The following RFX3 variants were observed in gnomAD, a reference collection of about 807,000 sequenced individuals.
The protein encoded by RFX3 is regulatory factor X3.
A neutral mutation model predicts 98.6 loss-of-function variants in RFX3; 14 were observed. The observed-to-expected ratio is 0.14, with a 90% confidence interval of 0.09 to 0.22. The LOEUF (loss-of-function observed/expected upper bound fraction) is 0.22, where lower values mean the gene tolerates loss of function less well. Among genes scored for constraint, RFX3 ranks in the 10% least tolerant of loss-of-function variants. The pLI is 1.00. For synonymous variants in RFX3, 383 were observed against 328.4 expected (o/e 1.17, Z -1.80); for missense variants, 639 against 926.9 (o/e 0.69, Z 4.03).
Position 3,447,964 on chromosome 9 carries a change from T to C in RFX3, c.-8-52368A>G, listed in dbSNP as rs186312911. On this transcript the variant is annotated intron_variant, in intron 1 of 16. Transcript: ENST00000617270. ...TCTCACAGACAACTTAACAGAGCTC[T>C]CAACTATGAGCCAATGGGAAGACAA... 2.4e-3 allele frequency among the ~76,000 whole-genome samples: 363 copies of C among 152,208 alleles called. 5 individuals are homozygous for C. Among genetic ancestry groups the C allele is most frequent in the Admixed American group, 0.018 (280 of 15,282 alleles).
chr9:3,243,686 A>G (rs1381402973), intron 15 of RFX3, among the ~76,000 whole-genome samples: 1 of 152,236 alleles, frequency 6.6e-6, no homozygotes, highest in African/African-American at 2.4e-5. Context: ...ATTGTTCTTA[A>G]GTCACCTTAA....
At chr9:3,226,985 C>A (rs1477284972) in intron 16 of RFX3, among the ~76,000 whole-genome samples, 1 of 151,992 alleles carries the variant, frequency 6.6e-6, no homozygotes, top group East Asian at 1.9e-4. Flanking sequence ...CCCTCAAAAC[C>A]TCCTAGGATT....
chr9:3,426,518 A>G (rs574284801), intron 1 of RFX3, among the ~76,000 whole-genome samples: 1 of 152,184 alleles, frequency 6.6e-6, no homozygotes, highest in South Asian at 2.1e-4. Context: ...GAGGTGAGCA[A>G]GAGGTGAGCA....
chr9:3,329,716 C>G (rs1832367032), intron 4 of RFX3, among the ~76,000 whole-genome samples: 1 of 152,026 alleles, frequency 6.6e-6, no homozygotes, highest in Admixed American at 6.6e-5. Context: ...AAAAGTGAGT[C>G]AACTTGGAAA....
chr9:3,282,204 G>A (rs190887363), intron 7 of RFX3, among the ~76,000 whole-genome samples: 21 of 151,818 alleles, frequency 1.4e-4, no homozygotes, highest in Admixed American at 1.1e-3. Context: ...TGATATAAAC[G>A]CTAATGGATC....
rs568027848 is a variant in RFX3 at position 3,370,765 on chromosome 9, C to G, written c.118-24001G>C. On this transcript the variant is annotated intron_variant, in intron 2 of 16. Coordinates refer to ENST00000617270, the MANE Select transcript of RFX3 (RefSeq NM_001282116.2). ...TCTCCTTTCTCCACTATATAAAATA[C>G]ATGCTTATACAACTGCAAATTGAGA... 6.6e-5 allele frequency among the ~76,000 whole-genome samples: 10 copies of G among 152,200 alleles called. No homozygotes were observed. In the South Asian group the frequency reaches 1.0e-3, roughly 16 times the overall value.
chr9:3,410,209 G>GTGTGTGTGTGTGTGTGTGTGTGTGT (rs55715321), intron 1 of RFX3, among the ~76,000 whole-genome samples: 10 of 148,520 alleles, frequency 6.7e-5, no homozygotes, highest in East Asian at 2.0e-4. Context: ...GTGTGTGTGT[G>GTGTGTGTGTGTGTGTGTGTGTGTGT]GCGCTATCAA....
chr9:3,459,949 C>T (rs1000115591), intron 1 of RFX3, among the ~76,000 whole-genome samples: 5 of 151,868 alleles, frequency 3.3e-5, no homozygotes, highest in Admixed American at 1.3e-4. Flanking sequence ...CTTTCTACTT[C>T]GTAATGTACG....
chr9:3,283,897 G>C (rs974023384), intron 7 of RFX3, among the ~76,000 whole-genome samples: 2 of 151,594 alleles, frequency 1.3e-5, no homozygotes, highest in African/African-American at 4.8e-5. Flanking sequence ...TTTGAGGGTG[G>C]AATTCTCATG....
At chr9:3,378,030 C>T (rs1413499073) in intron 2 of RFX3, among the ~76,000 whole-genome samples, 1 of 151,988 alleles carries the variant, frequency 6.6e-6, no homozygotes, top group Non-Finnish European at 1.5e-5. Flanking sequence ...AACTAAAGAT[C>T]AAATATTTAA....
intron 1 of RFX3, among the ~76,000 whole-genome samples, chr9:3,504,217 A>ATTATATATATTAT (rs1453828603): frequency 9.8e-5 from 13 of 133,308 alleles, no homozygotes; most frequent in African/African-American, 3.7e-4. Context: ...TATATTATAT[A>ATTATATATATTAT]CTATATTATA....
chr9:3,321,691 T>G (rs1563923351), intron 4 of RFX3, among the ~76,000 whole-genome samples: 1 of 152,204 alleles, frequency 6.6e-6, no homozygotes, highest in Non-Finnish European at 1.5e-5. Flanking sequence ...CAGGATGTTT[T>G]CACCTTTACA....
intron 15 of RFX3, among the ~76,000 whole-genome samples, chr9:3,232,483 C>G (rs1266222797): frequency 6.6e-6 from 1 of 152,170 alleles, no homozygotes; most frequent in African/African-American, 2.4e-5. Context: ...ATATGTCTTC[C>G]CAACCAAAAT....
intron 7 of RFX3, 89 bp downstream of exon 7, chr9:3,288,042 T>C: frequency 8.2e-7 from 1 of 1,214,564 alleles, no homozygotes; most frequent in Non-Finnish European, 1.2e-6. Flanking sequence ...AACGTTCTTT[T>C]ATACTTAGGT....
chr9:3,321,661 G>C (rs1165046015), intron 4 of RFX3, among the ~76,000 whole-genome samples: 3 of 152,032 alleles, frequency 2.0e-5, no homozygotes, highest in African/African-American at 7.2e-5. Context: ...CATTGCCTTT[G>C]TTTATTGTGG....
chr9:3,493,468 AGG>A (rs1850869113), intron 1 of RFX3, among the ~76,000 whole-genome samples: 1 of 151,898 alleles, frequency 6.6e-6, no homozygotes, highest in East Asian at 1.9e-4. Flanking sequence ...GCAGATCACG[AGG>A]TCAGGAGATC....
At chr9:3,348,701 T>A (rs550788293) in intron 2 of RFX3, among the ~76,000 whole-genome samples, 1 of 152,214 alleles carries the variant, frequency 6.6e-6, no homozygotes, top group Non-Finnish European at 1.5e-5. Flanking sequence ...TGTGGTTTTT[T>A]ATTTTGTTTT....
intron 4 of RFX3, among the ~76,000 whole-genome samples, chr9:3,307,028 T>C (rs1317233652): frequency 6.6e-6 from 1 of 152,068 alleles, no homozygotes; most frequent in Non-Finnish European, 1.5e-5. Context: ...ATCGATCTCA[T>C]GAGATTTCAT....
chr9:3,433,380 T>G (rs1006308918), intron 1 of RFX3, among the ~76,000 whole-genome samples: 1 of 152,206 alleles, frequency 6.6e-6, no homozygotes, highest in Non-Finnish European at 1.5e-5. Context: ...ATTGAATGAA[T>G]AGTAAATATA....
Sources: allele counts gnomAD v4.1 joint callset (sites outside exome capture counted in the v4.1 genomes callset), GRCh38; gene constraint gnomAD v4.1.1; transcripts MANE v1.5; gene names NCBI Gene and HGNC (gene_info 2026-07-23, HGNC 2026-07-21).